ASTN2: variants seen among roughly 807,000 people sequenced by gnomAD.
ASTN2 encodes astrotactin 2.
A neutral mutation model predicts 139.8 loss-of-function variants in ASTN2; 54 were observed. That is an observed-to-expected ratio of 0.39 (90% confidence interval 0.31 to 0.48). The LOEUF (loss-of-function observed/expected upper bound fraction) is 0.48. ASTN2 is among the 20% of genes least tolerant of loss of function. ASTN2 has a pLI of 0.95. For synonymous variants in ASTN2, 756 were observed against 719.5 expected (o/e 1.05, Z -0.81); for missense variants, 1,565 against 1,725.1 (o/e 0.91, Z 1.64).
intron 5 of ASTN2, among the ~76,000 whole-genome samples, chr9:117,083,920 G>T (rs1461512449): frequency 6.6e-6 from 1 of 152,002 alleles, no homozygotes; most frequent in Non-Finnish European, 1.5e-5. Context: ...ATGGGCTGGA[G>T]GAGGGAGTTT....
intron 3 of ASTN2, among the ~76,000 whole-genome samples, chr9:117,151,317 T>C (rs966460121): frequency 2.6e-5 from 4 of 152,166 alleles, no homozygotes; most frequent in African/African-American, 7.2e-5. Context: ...AGATCTATCC[T>C]GTCCATGACT....
chr9:117,151,515 A>G (rs1363429542), intron 3 of ASTN2, among the ~76,000 whole-genome samples: 1 of 152,118 alleles, frequency 6.6e-6, no homozygotes, highest in Non-Finnish European at 1.5e-5. Flanking sequence ...GAGGGAGGTA[A>G]AGATAATGAA....
intron 13 of ASTN2, among the ~76,000 whole-genome samples, chr9:116,744,793 A>G (rs940105405): frequency 1.3e-5 from 2 of 152,070 alleles, no homozygotes; most frequent in African/African-American, 4.8e-5. Context: ...GCTAGAAAAC[A>G]GACCAATGTG....
chr9:117,271,114 TAA>T (rs1187857785), intron 2 of ASTN2, among the ~76,000 whole-genome samples: 2 of 152,276 alleles, frequency 1.3e-5, no homozygotes, highest in Admixed American at 1.3e-4. Flanking sequence ...ATGCTGCTGA[TAA>T]AGACACACCA....
intron 3 of ASTN2, among the ~76,000 whole-genome samples, chr9:117,153,389 C>G (rs1483412068): frequency 6.6e-6 from 1 of 152,120 alleles, no homozygotes; most frequent in Non-Finnish European, 1.5e-5. Flanking sequence ...ATCCTCCTTT[C>G]TATCCTCAGA....
chr9:116,911,792 G>A (rs1834317388), intron 10 of ASTN2, among the ~76,000 whole-genome samples: 1 of 152,110 alleles, frequency 6.6e-6, no homozygotes, highest in African/African-American at 2.4e-5. Flanking sequence ...TTGTCTGGGA[G>A]GCTGAGGCAG....
At chr9:116,999,918 C>A (rs529943926) in intron 7 of ASTN2, among the ~76,000 whole-genome samples, 1 of 152,206 alleles carries the variant, frequency 6.6e-6, no homozygotes, top group East Asian at 1.9e-4. Context: ...AAAAGTTCAG[C>A]AGATAGAAAT....
At chr9:117,186,325 T>C (rs1418124874) in intron 3 of ASTN2, among the ~76,000 whole-genome samples, 2 of 152,012 alleles carry the variant, frequency 1.3e-5, no homozygotes, top group East Asian at 3.9e-4. Flanking sequence ...GGCGGGCAGA[T>C]CACGAGGTCA....
chr9:116,573,317 A>G (rs192771893), intron 19 of ASTN2, among the ~76,000 whole-genome samples: 17 of 152,334 alleles, frequency 1.1e-4, no homozygotes, highest in Non-Finnish European at 8.8e-5. Context: ...TCTTCAGAAC[A>G]TTACCTCCCA....
chr9:116,775,812 A>AGGG (rs1564260471), intron 13 of ASTN2, among the ~76,000 whole-genome samples: 62 of 112,538 alleles, frequency 5.5e-4, no homozygotes, highest in African/African-American at 1.8e-3. Flanking sequence ...GGGAAGGAAG[A>AGGG]AAGGAAGGAA....
chr9:117,409,853 G>T (rs1831112580), intron 1 of ASTN2, among the ~76,000 whole-genome samples: 1 of 152,188 alleles, frequency 6.6e-6, no homozygotes, highest in African/African-American at 2.4e-5. Flanking sequence ...CATTCTTCTG[G>T]CCAGGTTCCT....
At chr9:117,365,813 G>C (rs1829829048) in intron 1 of ASTN2, among the ~76,000 whole-genome samples, 1 of 152,220 alleles carries the variant, frequency 6.6e-6, no homozygotes. Flanking sequence ...AAGGCAGCTT[G>C]TATTGGACAG....
intron 10 of ASTN2, among the ~76,000 whole-genome samples, chr9:116,898,527 CA>C (rs1267339423): frequency 1.3e-5 from 2 of 152,080 alleles, no homozygotes; most frequent in East Asian, 3.9e-4. Context: ...CAAAACAGAC[CA>C]ACTTCATGAA....
chr9:116,590,590 G>A (rs1015882173), intron 19 of ASTN2, among the ~76,000 whole-genome samples: 1 of 152,202 alleles, frequency 6.6e-6, no homozygotes, highest in African/African-American at 2.4e-5. Flanking sequence ...CAGGTCCCCA[G>A]TGCAGCCCCA....
intron 12 of ASTN2, among the ~76,000 whole-genome samples, chr9:116,808,297 GTGTGTGTGTGTT>G (rs941703090): frequency 2.6e-5 from 4 of 151,888 alleles, no homozygotes; most frequent in African/African-American, 9.7e-5. Flanking sequence ...GTGTGTGTGT[GTGTGTGTGTGTT>G]TGTGTTTGTG....
rs1211741302 is a variant in ASTN2, at chr9:117,008,226, A to C, written c.1457T>G (p.Leu486Arg). The C allele has an allele frequency of 6.2e-7, 1 of 1,607,776 alleles. No individual in the cohort carries two copies. The highest frequency in any genetic ancestry group is 2.3e-5 in the East Asian group (1 of 44,388). ...CGGGTTTAACCAGTCGGAGATGTCC[A>C]GGTAGCTCCCTTCACTCACCACGAA... ...SSFVVSEGSY[L>R]DISDWLNPAK... is the part of the protein sequence containing the mutation. Residue 486 changes from leucine (L) to arginine (R), a missense_variant, in exon 7 of 23, where the codon CTG (leucine) becomes CGG (arginine). Transcript: ENST00000313400.
chr9:117,059,499 G>A (rs4838144), intron 5 of ASTN2, among the ~76,000 whole-genome samples: 73,026 of 151,704 alleles, frequency 0.48, 18,667 homozygotes, highest in Non-Finnish European at 0.58. Context: ...TGTAATCCCA[G>A]CTACTAAGTA....
chr9:116,993,858 A>ATATATC (rs1396534087), intron 7 of ASTN2, among the ~76,000 whole-genome samples: 6 of 138,632 alleles, frequency 4.3e-5, no homozygotes, highest in African/African-American at 1.4e-4. Context: ...TACATGATAT[A>ATATATC]TATATATATA....
At position 116,481,432 on chromosome 9, in the gene ASTN2, T is replaced by C. The variant is rs578011658; in HGVS notation, c.3497+5927A>G. Among the ~76,000 whole-genome samples, 10 of 152,276 alleles carry C rather than the reference T, an allele frequency of 6.6e-5. No homozygotes were observed. The South Asian group carries it at 2.1e-3, about 32-fold the overall frequency. ...TCTGAAACAGAGAGGTGAAGAAACT[T>C]GCCCAAGGCCACACAGTGGGTAAAA... On this transcript the variant is annotated intron_variant, in intron 20 of 22. Transcript: ENST00000313400.
Sources: allele counts gnomAD v4.1 joint callset (sites outside exome capture counted in the v4.1 genomes callset), GRCh38; gene constraint gnomAD v4.1.1; transcripts MANE v1.5; gene names NCBI Gene and HGNC (gene_info 2026-07-23, HGNC 2026-07-21).